The following C5orf47 variants were observed in gnomAD, a reference collection of about 807,000 sequenced individuals.
The protein encoded by C5orf47 is uncharacterized protein C5orf47.
A neutral mutation model predicts 20.6 loss-of-function variants in C5orf47; 20 were observed. That is an observed-to-expected ratio of 0.97 (90% confidence interval 0.68 to 1.41). The LOEUF is 1.41. Among genes scored for constraint, C5orf47 ranks in the 40% most tolerant of loss-of-function variants. C5orf47 has a pLI of 0.00. For missense variants in C5orf47, 262 were observed against 238.4 expected (o/e 1.10, Z -0.65); for synonymous variants, 106 against 97.3 (o/e 1.09, Z -0.53).
intron 1 of C5orf47, among the ~76,000 whole-genome samples, chr5:173,992,605 T>C (rs1447357293): frequency 6.6e-6 from 1 of 152,208 alleles, no homozygotes; most frequent in Non-Finnish European, 1.5e-5. Flanking sequence ...GTGCAGTGAA[T>C]TTTCTTCTAA....
chr5:173,999,887 CTTAA>C (rs908580720), intron 3 of C5orf47, 88 bp downstream of exon 3: 3 of 650,936 alleles, frequency 4.6e-6, no homozygotes, highest in African/African-American at 3.7e-5. Flanking sequence ...CAGTAGTTTT[CTTAA>C]TTGTCACATT....
intron 1 of C5orf47, among the ~76,000 whole-genome samples, chr5:173,997,446 G>T (rs143581290): frequency 4.6e-5 from 7 of 152,326 alleles, no homozygotes; most frequent in African/African-American, 1.7e-4. Context: ...CAGGAAGCCC[G>T]TTCACTCTGG....
chr5:173,999,914 C>T (rs1180164648), intron 3 of C5orf47, 115 bp downstream of exon 3: 4 of 569,970 alleles, frequency 7.0e-6, no homozygotes, highest in Non-Finnish European at 1.3e-5. Context: ...ATATACAGAA[C>T]TATAGAAATG....
In C5orf47 at chr5:173,989,533, C is replaced by T. The variant is rs989507338; in HGVS notation, c.270C>T (p.Ser90=). 3.9e-6 allele frequency: 6 copies of T among 1,526,170 alleles called. No individual in the cohort carries two copies. In the African/African-American group the frequency reaches 4.2e-5, roughly 11 times the overall value. 94.5% of individuals were successfully genotyped at this position (1,526,170 alleles called of 1,614,324 possible). A position where few individuals can be genotyped will look rare whatever the true frequency, so the allele number is the denominator to read the frequency against. The part of the protein sequence containing the change: ...TPGVEAAASA[S]SQLRASRVQS... ...GTGTGGAGGCTGCGGCCTCTGCCTC[C>T]TCCCAGCTGCGGGCATCGAGAGTTC... Residue 90 remains serine (S), a synonymous_variant, in exon 1 of 5, where the codon TCC becomes TCT. Coordinates refer to ENST00000340147, the MANE Select transcript of C5orf47 (RefSeq NM_001144954.2).
chr5:173,989,173 C>A lies in C5orf47; in HGVS notation c.-91C>A, dbSNP rs1487386243. On this transcript the variant is annotated 5_prime_UTR_variant, in exon 1 of 5. Coordinates refer to ENST00000340147, the MANE Select transcript of C5orf47 (RefSeq NM_001144954.2). ...CCCCGCAGGGTGGTCTGGCCCTAAC[C>A]GCTCCCGCATCCCTCGCCTGCACAG... The A allele has an allele frequency of 1.7e-6, 2 of 1,205,142 alleles. No individual in the cohort carries two copies. Among genetic ancestry groups the A allele is most frequent in the Non-Finnish European group, 2.1e-6 (2 of 947,936 alleles). The allele number at this position is 1,205,142 out of a possible 1,614,324, so 74.7% of individuals were successfully genotyped here.
Position 173,989,375 on chromosome 5 carries a change from C to A in C5orf47, c.112C>A (p.Gln38Lys). The A allele has an allele frequency of 6.5e-7, 1 of 1,531,928 alleles. No individual in the cohort carries two copies. The highest frequency in any genetic ancestry group is 1.4e-5 in the African/African-American group (1 of 71,926). 94.9% of individuals were successfully genotyped at this position (1,531,928 alleles called of 1,614,324 possible). Reference sequence around the variant, plus strand: ...CCTGCAACTGGGCGGCCGTGGAGCTCAAGGCCTTTGGGGTCAGGGGCCTGG... The same window carrying A: ...CCTGCAACTGGGCGGCCGTGGAGCTAAAGGCCTTTGGGGTCAGGGGCCTGG... ...GVLQLGGRGA[Q>K]GLWGQGPGAG... is the part of the protein sequence containing the mutation. Residue 38 changes from glutamine (Q) to lysine (K), a missense_variant, in exon 1 of 5, where the codon CAA (glutamine) becomes AAA (lysine). Gln to Lys is a moderately conservative substitution (Grantham distance 53, BLOSUM62 1). Coordinates refer to ENST00000340147, the MANE Select transcript of C5orf47 (RefSeq NM_001144954.2).
At position 173,989,725 on chromosome 5, in the gene C5orf47, C is replaced by CAGGGGCGA. The variant is rs1358833297; in HGVS notation, c.325+141_325+148dup. 14 of 785,596 alleles carry CAGGGGCGA rather than the reference C, an allele frequency of 1.8e-5. No homozygotes were observed. In the African/African-American group the frequency reaches 2.6e-4, roughly 15 times the overall value. The allele number at this position is 785,596 out of a possible 1,614,324, so 48.7% of individuals were successfully genotyped here. A position where few individuals can be genotyped will look rare whatever the true frequency, so the allele number is the denominator to read the frequency against. ...TGTCAGGCCGTGTTGCGAGCACGCGCAGGGGCGAAGGAGAAGCCCAGTAAT... is the reference window on the plus strand; with the variant it reads ...TGTCAGGCCGTGTTGCGAGCACGCGCAGGGGCGAAGGGGCGAAGGAGAAGCCCAGTAAT... On this transcript the variant is annotated intron_variant, in intron 1 of 4. Transcript: ENST00000340147.
At chr5:173,990,986 A>T (rs750726649) in intron 1 of C5orf47, among the ~76,000 whole-genome samples, 2 of 152,134 alleles carry the variant, frequency 1.3e-5, no homozygotes, top group Non-Finnish European at 2.9e-5. Flanking sequence ...CCCCAAGAGA[A>T]CCCCTGTATC....
rs940543474 is a variant in C5orf47, at chr5:173,989,601, G to A, written c.325+13G>A. 1.2e-5 allele frequency: 17 copies of A among 1,424,814 alleles called. No individual in the cohort carries two copies. In the African/African-American group the frequency reaches 2.1e-4, roughly 17 times the overall value. The allele number at this position is 1,424,814 out of a possible 1,614,324, so 88.3% of individuals were successfully genotyped here. A position where few individuals can be genotyped will look rare whatever the true frequency, so the allele number is the denominator to read the frequency against. On this transcript the variant is annotated intron_variant, in intron 1 of 4. Transcript: ENST00000340147. The stretch of plus-strand genomic sequence containing the variant: ...TCGGCGCGTGCAGGTGGTGCAGCGG[G>A]GCAGGGCGGGACCGGGCGCGGCGGG...
chr5:174,008,219 A>C (rs1018505970), downstream of C5orf47, among the ~76,000 whole-genome samples: 5 of 152,236 alleles, frequency 3.3e-5, no homozygotes, highest in East Asian at 7.7e-4. Context: ...AAGCACATGC[A>C]TGGTAGGCCT....
At chr5:174,008,135 C>T (rs1759321040), downstream of C5orf47, among the ~76,000 whole-genome samples, 1 of 152,148 alleles carries the variant, frequency 6.6e-6, no homozygotes, top group African/African-American at 2.4e-5. Context: ...TTCCAGTGGC[C>T]ATGGGTATGC....
intron 4 of C5orf47, 132 bp downstream of exon 4, chr5:174,001,363 T>G: frequency 3.3e-6 from 2 of 601,262 alleles, no homozygotes; most frequent in East Asian, 2.9e-5. Context: ...TTAAATACAG[T>G]GTTTGGCACA....
chr5:174,008,500 G>A (rs113498065), downstream of C5orf47, among the ~76,000 whole-genome samples: 2,971 of 152,274 alleles, frequency 0.02, 43 homozygotes, highest in Middle Eastern at 0.034. Context: ...ATGGATCAGG[G>A]TCATGCTGTC....
intron 2 of C5orf47, among the ~76,000 whole-genome samples, chr5:173,998,768 A>T (rs1015636637): frequency 2.0e-5 from 3 of 152,168 alleles, no homozygotes. Context: ...CAAGTCTTTG[A>T]TTACCACTGT....
intron 3 of C5orf47, 63 bp downstream of exon 3, chr5:173,999,862 G>A (rs1759164870): frequency 2.5e-6 from 2 of 804,172 alleles, no homozygotes; most frequent in Non-Finnish European, 4.0e-6. Flanking sequence ...TAGTTATCCT[G>A]GGATTGCATG....
intron 4 of C5orf47, among the ~76,000 whole-genome samples, chr5:174,002,569 A>C (rs1255723903): frequency 6.6e-6 from 1 of 150,646 alleles, no homozygotes; most frequent in East Asian, 1.9e-4. Context: ...GTTTTTTAAC[A>C]TCTTGCCACG....
intron 1 of C5orf47, among the ~76,000 whole-genome samples, chr5:173,994,557 G>A (rs1315560205): frequency 6.6e-6 from 1 of 152,152 alleles, no homozygotes; most frequent in East Asian, 1.9e-4. Context: ...AACTAAGGCA[G>A]TGGCAGCGGA....
rs1435341345 is a variant in C5orf47, at chr5:173,989,309, G to C, written c.46G>C (p.Val16Leu). 7.1e-7 allele frequency: 1 copy of C among 1,408,338 alleles called. No homozygotes were observed. The highest frequency in any genetic ancestry group is 9.3e-7 in the Non-Finnish European group (1 of 1,075,478). 87.2% of individuals were successfully genotyped at this position (1,408,338 alleles called of 1,614,324 possible). A position where few individuals can be genotyped will look rare whatever the true frequency, so the allele number is the denominator to read the frequency against. Residue 16 changes from valine (V) to leucine (L), a missense_variant, in exon 1 of 5, where the codon GTC (valine) becomes CTC (leucine). Coordinates refer to ENST00000340147, the MANE Select transcript of C5orf47 (RefSeq NM_001144954.2). ...TCGGGAGCAGGACTCGGCGCGCTTC[G>C]TCTATGTGACGCGCTTCGGCTCGCA... ...RGREQDSARF[V>L]YVTRFGSHQC... is the part of the protein sequence containing the mutation.
At position 173,989,309 on chromosome 5, in the gene C5orf47, G is replaced by A. The variant is rs1435341345; in HGVS notation, c.46G>A (p.Val16Ile). 3 of 1,408,456 alleles carry A rather than the reference G, an allele frequency of 2.1e-6. No individual in the cohort carries two copies. The highest frequency in any genetic ancestry group is 2.9e-5 in the East Asian group (1 of 34,742). 87.2% of individuals were successfully genotyped at this position (1,408,456 alleles called of 1,614,324 possible). Residue 16 changes from valine to isoleucine, a missense_variant, in exon 1 of 5, where the codon GTC becomes ATC. Transcript: ENST00000340147. ...TCGGGAGCAGGACTCGGCGCGCTTC[G>A]TCTATGTGACGCGCTTCGGCTCGCA... The part of the protein sequence containing the change: ...RGREQDSARF[V>I]YVTRFGSHQC...
Sources: gnomAD v4.1 joint callset for allele counts (sites outside exome capture counted in the v4.1 genomes callset) on GRCh38, gnomAD v4.1.1 for gene constraint, MANE v1.5 for transcripts, NCBI Gene and HGNC (gene_info 2026-07-23, HGNC 2026-07-21) for gene names.